Variants in ADPRHL1 observed in about 807,000 individuals in gnomAD.
ADPRHL1 encodes the protein ADP-ribosylhydrolase like 1, also known as inactive ADP-ribosyltransferase ARH2.
In ADPRHL1, 43 loss-of-function variants were observed where a neutral mutation model predicts 44.1. The observed-to-expected ratio is 0.98, with a 90% CI of 0.76 to 1.26. The LOEUF is 1.26. Among genes scored for constraint, ADPRHL1 ranks in the 50% most tolerant of loss-of-function variants. The probability of loss-of-function intolerance (pLI) is 0.00; values close to 1 mark genes in which losing one functional copy is unlikely to be tolerated. For missense variants in ADPRHL1, 2,022 were observed against 2,496.9 expected, an observed-to-expected ratio of 0.81 and a Z score of 4.05; for synonymous variants, 878 against 1,017.4, an observed-to-expected ratio of 0.86 and a Z score of 2.61.
chr13:113,414,411 C>T (rs1416077241), intron 7 of ADPRHL1, among the ~76,000 whole-genome samples: 1 of 138,862 alleles, frequency 7.2e-6, no homozygotes, highest in East Asian at 2.6e-4. Flanking sequence ...GCAGATTGGC[C>T]CCCACCCTCC....
At chr13:113,444,232 C>T (rs1031341284) in intron 2 of ADPRHL1, among the ~76,000 whole-genome samples, 193 bp downstream of exon 2, 2 of 152,116 alleles carry the variant, frequency 1.3e-5, no homozygotes, top group South Asian at 2.1e-4. Context: ...GGGCCCCTGC[C>T]CATATTCCTT....
Position 113,406,780 on chromosome 13 carries a change from T to C in ADPRHL1, c.2502A>G (p.Thr834=), listed in dbSNP as rs2043812462. 1 of 1,232,032 alleles carries C rather than the reference T, an allele frequency of 8.1e-7. No individual in the cohort carries two copies. The highest frequency in any genetic ancestry group is 3.2e-5 in the East Asian group (1 of 31,716). The allele number at this position is 1,232,032 out of a possible 1,614,324, so 76.3% of individuals were successfully genotyped here. The change falls in exon 8 of 8, where the codon ACA becomes ACG. Residue 834 remains threonine (T), a synonymous_variant. Coordinates refer to ENST00000612156, the MANE Select transcript of ADPRHL1 (RefSeq NM_001394807.1). ...NAPSVQAARR[T]QPATEPPRIT... is the part of the protein sequence containing the mutation. ...TCCGTGGAGGCTCCGTGGCAGGCTG[T>C]GTTCTCCGAGCAGCCTGGACCGATG...
chr13:113,445,741 G>T (rs1269159086), intron 1 of ADPRHL1, among the ~76,000 whole-genome samples: 1 of 152,166 alleles, frequency 6.6e-6, no homozygotes, highest in Non-Finnish European at 1.5e-5. Flanking sequence ...AGCCGCATCA[G>T]AGCCAGATGT....
intron 7 of ADPRHL1, among the ~76,000 whole-genome samples, chr13:113,408,795 C>T (rs1011285084): frequency 7.7e-6 from 1 of 129,384 alleles, no homozygotes; most frequent in African/African-American, 3.1e-5. Flanking sequence ...CTCACAAGCT[C>T]CTGGGCAGGA....
chr13:113,409,748 G>A lies in ADPRHL1; in HGVS notation c.1062-1528C>T. On this transcript the variant is annotated intron_variant, in intron 7 of 7. Transcript: ENST00000612156. This position sits in a 1 kb window ranked among gnomAD's most constrained non-coding sequence, Gnocchi z 4.2. Reference sequence around the variant, plus strand: ...AAAGATATAAAAAAAAATCAGCCGGGCGTGGTGGCGGGCGCCTGTAGTCCC... The same window carrying A: ...AAAGATATAAAAAAAAATCAGCCGGACGTGGTGGCGGGCGCCTGTAGTCCC... 1.5e-6 allele frequency: 1 copy of A among 659,116 alleles called. No homozygotes were observed. Among genetic ancestry groups the A allele is most frequent in the Non-Finnish European group, 1.9e-6 (1 of 532,050 alleles). 40.8% of individuals were successfully genotyped at this position (659,116 alleles called of 1,614,324 possible).
In ADPRHL1 at chr13:113,450,918, G is replaced by A. The variant is rs550728722; in HGVS notation, c.214+2306C>T. The stretch of plus-strand genomic sequence containing the variant: ...CAGGCCCTCCACAAGAGGTGGAAGA[G>A]CAGTCTTCTCTAAACTCCCCTGGGG... On this transcript the variant is annotated intron_variant, in intron 1 of 7. Transcript: ENST00000612156. 8.0e-4 allele frequency among the ~76,000 whole-genome samples: 121 copies of A among 151,506 alleles called. 1 individual carries two copies. The East Asian group carries it at 0.015, about 19-fold the overall frequency.
At chr13:113,416,897 A>G (rs1158214479) in intron 7 of ADPRHL1, among the ~76,000 whole-genome samples, 1 of 152,206 alleles carries the variant, frequency 6.6e-6, no homozygotes, top group East Asian at 1.9e-4. Context: ...GTGCGTGCTC[A>G]TATGTGCGAG....
intron 7 of ADPRHL1, among the ~76,000 whole-genome samples, chr13:113,410,876 C>T (rs2043847686): frequency 6.6e-6 from 1 of 152,238 alleles, no homozygotes; most frequent in Admixed American, 6.5e-5. Flanking sequence ...CCGGGCGTCT[C>T]TGGACACGTC....
At chr13:113,425,243 A>G (rs1043176615) in intron 4 of ADPRHL1, 64 bp from the exon 5 acceptor site, 6 of 61,624 alleles carry the variant, frequency 9.7e-5, no homozygotes, top group South Asian at 5.9e-4. Flanking sequence ...GGGTGCAGGG[A>G]GTTGGGGGTG....
chr13:113,422,681 G>T, intron 7 of ADPRHL1, 145 bp downstream of exon 7: 1 of 1,002,430 alleles, frequency 1.0e-6, no homozygotes, highest in Non-Finnish European at 1.5e-6. Flanking sequence ...TCTGAAATTG[G>T]AAACAGAGAG....
At position 113,406,836 on chromosome 13, in the gene ADPRHL1, C is replaced by A. The variant is rs991527801; in HGVS notation, c.2446G>T (p.Val816Leu). ...TTCAGGGGTGGGATGTGCTCCGGCA[C>A]CTTCTGTTCTGGGAAATACTTCTGG... ...ATQKYFPEQK[V>L]PEHIPPLNAP... is the part of the protein sequence containing the mutation. The change falls in exon 8 of 8, where the codon GTG becomes TTG. Residue 816 changes from valine to leucine, a missense_variant. By Grantham distance (32) the Val-to-Leu change is conservative. This residue lies in a region of ADPRHL1 where 1,221 missense variants were observed against 1,517.8 expected (regional missense o/e 0.80). Transcript: ENST00000612156. 89 of 1,232,128 alleles carry A rather than the reference C, an allele frequency of 7.2e-5. No homozygotes were observed. Among genetic ancestry groups the A allele is most frequent in the Non-Finnish European group, 8.8e-5 (87 of 988,080 alleles). The allele number at this position is 1,232,128 out of a possible 1,614,324, so 76.3% of individuals were successfully genotyped here. A position where few individuals can be genotyped will look rare whatever the true frequency, so the allele number is the denominator to read the frequency against.
chr13:113,421,023 C>G (rs1485264340), intron 7 of ADPRHL1, among the ~76,000 whole-genome samples: 1 of 132,786 alleles, frequency 7.5e-6, no homozygotes. Flanking sequence ...CCCTGGGACA[C>G]CCCTACCCCC....
chr13:113,452,880 G>A (rs542280911), intron 1 of ADPRHL1, among the ~76,000 whole-genome samples: 4 of 152,186 alleles, frequency 2.6e-5, no homozygotes, highest in Admixed American at 1.3e-4. Flanking sequence ...CAGCACGGCC[G>A]AGAGAGGCTT....
chr13:113,437,115 A>G (rs533778346), intron 2 of ADPRHL1, among the ~76,000 whole-genome samples: 68 of 134,604 alleles, frequency 5.1e-4, no homozygotes, highest in African/African-American at 1.7e-3. Flanking sequence ...CCCGGGACCC[A>G]GCACCCACAC....
chr13:113,421,600 A>C (rs2043923992), intron 7 of ADPRHL1, among the ~76,000 whole-genome samples: 1 of 152,162 alleles, frequency 6.6e-6, no homozygotes, highest in African/African-American at 2.4e-5. Context: ...TGGCCCGGGA[A>C]GCCTGGACCC....
At chr13:113,448,465 C>CCAAAA (rs2044157189) in intron 1 of ADPRHL1, among the ~76,000 whole-genome samples, 2 of 39,844 alleles carry the variant, frequency 5.0e-5, no homozygotes, top group Non-Finnish European at 8.9e-5. Flanking sequence ...GACTATGTCC[C>CCAAAA]AAAAAAAAAA....
At position 113,441,795 on chromosome 13, in the gene ADPRHL1, T is replaced by C. The variant is rs1048287814; in HGVS notation, c.379+2630A>G. ...CCCGCCGTGTGGGTCTGTGTCTCTA[T>C]CACGCTTTACTCCACCACACGGGTC... On this transcript the variant is annotated intron_variant, in intron 2 of 7. Coordinates refer to ENST00000612156, the MANE Select transcript of ADPRHL1 (RefSeq NM_001394807.1). This position sits in a 1 kb window ranked among gnomAD's most constrained non-coding sequence, Gnocchi z 6.0. Among the ~76,000 whole-genome samples the C allele has an allele frequency of 6.6e-6, 1 of 152,000 alleles. No individual in the cohort carries two copies. The highest frequency in any genetic ancestry group is 1.5e-5 in the Non-Finnish European group (1 of 67,992).
At chr13:113,423,287 A>G (rs1037726725) in intron 6 of ADPRHL1, among the ~76,000 whole-genome samples, 1 of 151,782 alleles carries the variant, frequency 6.6e-6, no homozygotes, top group African/African-American at 2.4e-5. Context: ...AAAAACAAAC[A>G]GGAGGGGGAC....
Position 113,407,969 on chromosome 13 carries a change from C to T in ADPRHL1, c.1313G>A (p.Gly438Asp), listed in dbSNP as rs2043821643. Residue 438 changes from glycine to aspartate, a missense_variant, in exon 8 of 8, where the codon GGC becomes GAC. Physicochemically the swap from Gly to Asp is moderately conservative, Grantham distance 94 (BLOSUM62 -1). Coordinates refer to ENST00000612156, the MANE Select transcript of ADPRHL1 (RefSeq NM_001394807.1). ...RFQLLQAKFL[G>D]TGRERYLKRT... ...CTTGAGGTAGCGCTCCCGGCCAGTG[C>T]CCAGGAACTTGGCCTGCAGGAGCTG... 1 of 1,232,094 alleles carries T rather than the reference C, an allele frequency of 8.1e-7. No homozygotes were observed. Among genetic ancestry groups the T allele is most frequent in the Non-Finnish European group, 1.0e-6 (1 of 988,028 alleles). 76.3% of individuals were successfully genotyped at this position (1,232,094 alleles called of 1,614,324 possible). A position where few individuals can be genotyped will look rare whatever the true frequency, so the allele number is the denominator to read the frequency against.
Sources: gnomAD v4.1 joint callset for allele counts (sites outside exome capture counted in the v4.1 genomes callset) on GRCh38, gnomAD v4.1.1 for gene constraint, gnomAD v4.1.1 regional missense constraint, Gnocchi (gnomAD v3.1) non-coding constraint, MANE v1.5 for transcripts, NCBI Gene and HGNC (gene_info 2026-07-23, HGNC 2026-07-21) for gene names.